The following NPR3 variants were observed in gnomAD, a reference collection of about 807,000 sequenced individuals.
The protein encoded by NPR3 is atrial natriuretic peptide receptor 3.
A neutral mutation model predicts 54.5 loss-of-function variants in NPR3; 34 were observed. That is an observed-to-expected ratio of 0.62 (90% CI 0.47 to 0.83). The LOEUF (loss-of-function observed/expected upper bound fraction) is 0.83. NPR3 is among the 40% of genes least tolerant of loss of function. The pLI, the probability that NPR3 is intolerant of heterozygous loss-of-function variation, is 0.00. For synonymous variants in NPR3, 289 were observed against 297.1 expected (o/e 0.97, Z 0.28); for missense variants, 674 against 720.8 (o/e 0.94, Z 0.74).
intron 4 of NPR3, among the ~76,000 whole-genome samples, chr5:32,778,964 T>C (rs1228842613): frequency 6.6e-6 from 1 of 152,260 alleles, no homozygotes; most frequent in Non-Finnish European, 1.5e-5. Context: ...TTATAGGCTG[T>C]CAAGGATACA....
At chr5:32,715,082 C>A (rs1738477897) in intron 1 of NPR3, among the ~76,000 whole-genome samples, 1 of 152,150 alleles carries the variant, frequency 6.6e-6, no homozygotes, top group African/African-American at 2.4e-5. Flanking sequence ...TGATAATCAC[C>A]TTTACCCCAA....
intron 5 of NPR3, among the ~76,000 whole-genome samples, chr5:32,781,744 T>C (rs1228633452): frequency 6.6e-6 from 1 of 152,192 alleles, no homozygotes; most frequent in Non-Finnish European, 1.5e-5. Flanking sequence ...GTATTTCTGG[T>C]TCCCCCTGGG....
At chr5:32,750,950 T>C (rs1740544969) in intron 3 of NPR3, among the ~76,000 whole-genome samples, 3 of 152,228 alleles carry the variant, frequency 2.0e-5, no homozygotes, top group Non-Finnish European at 2.9e-5. Flanking sequence ...CATCTTGGTA[T>C]ATGAAGACTG....
chr5:32,750,184 G>A (rs1469122825), intron 3 of NPR3, among the ~76,000 whole-genome samples: 1 of 152,114 alleles, frequency 6.6e-6, no homozygotes, highest in South Asian at 2.1e-4. Flanking sequence ...GCTGGAGTGC[G>A]GTGGCGCGAT....
At chr5:32,720,933 A>G (rs967268649) in intron 1 of NPR3, among the ~76,000 whole-genome samples, 1 of 152,214 alleles carries the variant, frequency 6.6e-6, no homozygotes, top group South Asian at 2.1e-4. Flanking sequence ...TAATTTAATT[A>G]GTTATTATAT....
intron 2 of NPR3, among the ~76,000 whole-genome samples, chr5:32,736,790 G>A (rs974324165): frequency 6.6e-6 from 1 of 152,118 alleles, no homozygotes; most frequent in African/African-American, 2.4e-5. Context: ...AGGTTTCGTG[G>A]GAGAGGAGGA....
intron 1 of NPR3, among the ~76,000 whole-genome samples, chr5:32,715,121 C>A (rs918346944): frequency 1.3e-5 from 2 of 152,176 alleles, no homozygotes; most frequent in Non-Finnish European, 2.9e-5. Context: ...GGAAAGAACC[C>A]TGGGCTGAGA....
At chr5:32,694,237 G>C (rs1219538982) in intron 1 of NPR3, among the ~76,000 whole-genome samples, 1 of 152,200 alleles carries the variant, frequency 6.6e-6, no homozygotes, top group African/African-American at 2.4e-5. Context: ...TACTAAAAGG[G>C]TTCCCCCAGG....
chr5:32,767,595 C>G (rs545151458), intron 3 of NPR3, among the ~76,000 whole-genome samples: 1 of 152,288 alleles, frequency 6.6e-6, no homozygotes, highest in East Asian at 1.9e-4. Flanking sequence ...GGCTACTGTT[C>G]TGTGGAATAC....
intron 1 of NPR3, among the ~76,000 whole-genome samples, chr5:32,720,001 C>A (rs1468249722): frequency 6.6e-6 from 1 of 152,022 alleles, no homozygotes; most frequent in East Asian, 1.9e-4. Flanking sequence ...TGAATATATC[C>A]TTATTATTGA....
chr5:32,774,258 T>A (rs1245516395), intron 3 of NPR3, among the ~76,000 whole-genome samples: 1 of 152,220 alleles, frequency 6.6e-6, no homozygotes, highest in Non-Finnish European at 1.5e-5. Context: ...TTGCTAAATA[T>A]AAGTGAATGG....
chr5:32,696,048 T>C lies in NPR3; in HGVS notation c.100+6862T>C, dbSNP rs527328009. Among the ~76,000 whole-genome samples, 11 of 152,342 alleles carry C rather than the reference T, an allele frequency of 7.2e-5. No homozygotes were observed. The South Asian group carries it at 2.1e-3, about 29-fold the overall frequency. ...TGATGTGATCCAATTCATTCATTTTTTGCTTTGGTTGCTTGTGCTTGTGGG... is the reference window on the plus strand; with the variant it reads ...TGATGTGATCCAATTCATTCATTTTCTGCTTTGGTTGCTTGTGCTTGTGGG... On this transcript the variant is annotated intron_variant, in intron 1 of 5. Transcript: ENST00000509104.
At chr5:32,742,607 A>T (rs938785118) in intron 3 of NPR3, among the ~76,000 whole-genome samples, 1 of 152,316 alleles carries the variant, frequency 6.6e-6, no homozygotes, top group East Asian at 1.9e-4. Flanking sequence ...CCCAATATGT[A>T]TTAAACAGAA....
intron 1 of NPR3, among the ~76,000 whole-genome samples, chr5:32,719,188 T>A (rs1738718928): frequency 6.6e-6 from 1 of 152,222 alleles, no homozygotes; most frequent in Non-Finnish European, 1.5e-5. Context: ...CTGCCTTGCA[T>A]CCCAGTTATT....
upstream of NPR3, chr5:32,710,761 G>A (rs570108537): frequency 1.4e-3 from 2,109 of 1,548,126 alleles, 5 homozygotes; most frequent in Non-Finnish European, 1.2e-3. Flanking sequence ...GCTTCAGGAG[G>A]GAATGTGGCC....
chr5:32,783,490 A>G (rs116331440), intron 6 of NPR3: 1,742 of 153,214 alleles, frequency 0.011, 30 homozygotes, highest in African/African-American at 0.04. Context: ...AGCTTTGTAT[A>G]TAAGTAGAGA....
rs776712641 is a variant in NPR3, at chr5:32,724,679, T to C, written c.770-19T>C. Reference sequence around the variant, plus strand: ...TCTGCAAAGGGGTGCCTCATGTGTGTTGTTTGTTCCTCCCCTAGTGGTGAT... The same window carrying C: ...TCTGCAAAGGGGTGCCTCATGTGTGCTGTTTGTTCCTCCCCTAGTGGTGAT... On this transcript the variant is annotated intron_variant, in intron 1 of 7. Coordinates refer to ENST00000265074, the MANE Select transcript of NPR3 (RefSeq NM_001204375.2). 1.2e-6 allele frequency: 2 copies of C among 1,613,810 alleles called. No homozygotes were observed.
chr5:32,786,213 A>G (rs1372460793), intron 7 of NPR3, 21 bp from the exon 8 acceptor site: 2 of 1,006,514 alleles, frequency 2.0e-6, no homozygotes, highest in Non-Finnish European at 3.0e-6. Context: ...TTATTACCAC[A>G]TTCACTTTCC....
chr5:32,767,392 T>C (rs988024764), intron 3 of NPR3, among the ~76,000 whole-genome samples: 4 of 152,238 alleles, frequency 2.6e-5, no homozygotes, highest in African/African-American at 9.6e-5. Context: ...ATGAATGTTT[T>C]GTAAGGTGCA....
Sources: allele counts gnomAD v4.1 joint callset (sites outside exome capture counted in the v4.1 genomes callset), GRCh38; gene constraint gnomAD v4.1.1; transcripts MANE v1.5; gene names NCBI Gene and HGNC (gene_info 2026-07-23, HGNC 2026-07-21).